Variants in RPL7A observed in about 807,000 individuals in gnomAD.
RPL7A encodes the protein ribosomal protein L7a.
For missense variants in RPL7A, 291 were observed against 338.2 expected, an observed-to-expected ratio of 0.86 and a Z score of 1.09; for synonymous variants, 158 against 128.2, an observed-to-expected ratio of 1.23 and a Z score of -1.57.
intron 6 of RPL7A, 60 bp downstream of exon 6, chr9:133,350,787 T>A (rs1836376612): frequency 6.2e-7 from 1 of 1,605,102 alleles, no homozygotes; most frequent in African/African-American, 1.3e-5. Context: ...GCCTCACAGT[T>A]GTTTCCTTTT....
chr9:133,350,323 C>T lies in RPL7A; in HGVS notation c.495+4C>T, dbSNP rs2129992849. The T allele has an allele frequency of 9.3e-6, 15 of 1,613,870 alleles. No individual in the cohort carries two copies. Among genetic ancestry groups the T allele is most frequent in the Middle Eastern group, 3.3e-4 (2 of 6,060 alleles). On this transcript the variant is annotated splice_donor_region_variant and intron_variant, in intron 5 of 7. Transcript: ENST00000323345. ...ACACGACGTGGATCCCATCGAGGTG[C>T]GTTTGCCTGTTGACTGCTAACCCAA...
chr9:133,349,195 T>G (rs2129984139), intron 2 of RPL7A, among the ~76,000 whole-genome samples, 153 bp downstream of exon 2: 6 of 152,310 alleles, frequency 3.9e-5, no homozygotes, highest in South Asian at 2.1e-4. Flanking sequence ...GATACATGCT[T>G]CTTGCTTTCA....
At chr9:133,349,119 T>C (rs1299621802) in intron 2 of RPL7A, 77 bp downstream of exon 2, 18 of 1,569,072 alleles carry the variant, frequency 1.1e-5, no homozygotes, top group African/African-American at 4.1e-5. Context: ...TGTTGTATCT[T>C]GTAGGTTTTA....
intron 4 of RPL7A, 81 bp downstream of exon 4, chr9:133,350,133 G>T: frequency 6.2e-7 from 1 of 1,613,472 alleles, no homozygotes; most frequent in Non-Finnish European, 8.5e-7. Flanking sequence ...AAATTACTGT[G>T]AAGAGTAAAA....
rs2129980060 is a variant in RPL7A, at chr9:133,348,699, G to T, written c.4-223G>T. 45 of 741,078 alleles carry T rather than the reference G, an allele frequency of 6.1e-5. No individual in the cohort carries two copies. In the Admixed American group the frequency reaches 8.3e-4, roughly 14 times the overall value. 45.9% of individuals were successfully genotyped at this position (741,078 alleles called of 1,614,324 possible). Reference sequence around the variant, plus strand: ...CGAAGAGAGCGTGGTCTCGGGCTTAGCCTTGCTCTGGCCACTCGGGGTTCC... The same window carrying T: ...CGAAGAGAGCGTGGTCTCGGGCTTATCCTTGCTCTGGCCACTCGGGGTTCC... On this transcript the variant is annotated intron_variant, in intron 1 of 7. Coordinates refer to ENST00000323345, the MANE Select transcript of RPL7A (RefSeq NM_000972.3).
In RPL7A at chr9:133,351,415, A is replaced by G. The variant is rs1376429817; in HGVS notation, c.*49A>G. On this transcript the variant is annotated 3_prime_UTR_variant, in exon 8 of 8. Transcript: ENST00000323345. ...ACATAAAAATAATTGAAATAATACA[A>G]ATTTTCCTTCAGCCAGTGTCTGTTG... The G allele has an allele frequency of 1.1e-5, 15 of 1,377,576 alleles. No homozygotes were observed. The highest frequency in any genetic ancestry group is 1.3e-5 in the Non-Finnish European group (13 of 987,232). 85.3% of individuals were successfully genotyped at this position (1,377,576 alleles called of 1,614,324 possible).
chr9:133,350,525 C>T (rs1173689206), intron 5 of RPL7A, 72 bp from the exon 6 acceptor site: 1 of 1,610,078 alleles, frequency 6.2e-7, no homozygotes, highest in Non-Finnish European at 8.5e-7. Flanking sequence ...TAACCCTGAG[C>T]AATTGTTACA....
chr9:133,349,690 C>T lies in RPL7A; in HGVS notation c.264C>T (p.Asp88=). Residue 88 remains aspartate, a synonymous_variant, in exon 3 of 8, where the codon GAC becomes GAT. Transcript: ENST00000323345. ...TTAACCAGTTCACCCAGGCCCTGGACCGCCAAACAGGTGAGGTTCTGTGGC... is the reference window on the plus strand; with the variant it reads ...TTAACCAGTTCACCCAGGCCCTGGATCGCCAAACAGGTGAGGTTCTGTGGC... ...PAINQFTQAL[D]RQTATQLLKL... is the part of the protein sequence containing the mutation. The T allele has an allele frequency of 6.2e-7, 1 of 1,613,934 alleles. No individual in the cohort carries two copies. The highest frequency in any genetic ancestry group is 8.5e-7 in the Non-Finnish European group (1 of 1,179,912).
chr9:133,348,894 G>T (rs2129981896), intron 1 of RPL7A, 28 bp from the exon 2 acceptor site: 1 of 1,613,244 alleles, frequency 6.2e-7, no homozygotes, highest in Non-Finnish European at 8.5e-7. Context: ...GGAGGCGGCG[G>T]TTTAACTGAC....
At chr9:133,350,934 G>A in intron 6 of RPL7A, 68 bp from the exon 7 acceptor site, 1 of 1,550,710 alleles carries the variant, frequency 6.4e-7, no homozygotes, top group Non-Finnish European at 8.9e-7. Flanking sequence ...GAGCTAAAAG[G>A]TATTTTTGCA....
rs2129997824 is a variant in RPL7A at position 133,351,044 on chromosome 9, G to A, written c.669G>A (p.Arg223=). ...GALAKLVEAI[R]TNYNDRYDEI... ...TGGCTAAGCTGGTGGAAGCTATCAG[G>A]ACCAATTACAATGACAGATACGATG... The change falls in exon 7 of 8, where the codon AGG becomes AGA. Residue 223 remains arginine (R), a synonymous_variant. Coordinates refer to ENST00000323345, the MANE Select transcript of RPL7A (RefSeq NM_000972.3). 19 of 1,613,982 alleles carry A rather than the reference G, an allele frequency of 1.2e-5. 1 individual carries two copies. The highest frequency in any genetic ancestry group is 3.3e-4 in the Middle Eastern group (2 of 6,076).
chr9:133,350,169 A>G (rs1836352290), intron 4 of RPL7A, 71 bp from the exon 5 acceptor site: 1 of 1,608,010 alleles, frequency 6.2e-7, no homozygotes, highest in Non-Finnish European at 8.5e-7. Flanking sequence ...CTGAGTCAGC[A>G]GCTGAGCCCA....
At chr9:133,349,248 C>T (rs2129984418) in intron 2 of RPL7A, 10 of 746,648 alleles carry the variant, frequency 1.3e-5, no homozygotes, top group South Asian at 4.8e-5. Flanking sequence ...ATGGTAGTGG[C>T]CTTGAATTCA....
At position 133,350,991 on chromosome 9, in the gene RPL7A, C is replaced by T. The variant is rs2129997564; in HGVS notation, c.627-11C>T. 5.0e-6 allele frequency: 8 copies of T among 1,613,916 alleles called. No homozygotes were observed. In the South Asian group the frequency reaches 8.8e-5, roughly 18 times the overall value. ...AAAAAACCCACTTTTGTTTCCCCTC[C>T]TGCCTTTTAGGGAAGACAAAGGCGC... On this transcript the variant is annotated splice_polypyrimidine_tract_variant and intron_variant, in intron 6 of 7. Coordinates refer to ENST00000323345, the MANE Select transcript of RPL7A (RefSeq NM_000972.3).
In RPL7A at chr9:133,348,949, A is replaced by G. The variant is rs1836299251; in HGVS notation, c.31A>G (p.Lys11Glu). ...GAAAGGAAAGAAGGCCAAGGGAAAG[A>G]AGGTGGCTCCGGCCCCAGCTGTCGT... MPKGKKAKGK[K>E]VAPAPAVVKK... Residue 11 changes from lysine (K) to glutamate (E), a missense_variant, in exon 2 of 8, where the codon AAG (lysine) becomes GAG (glutamate). Lys to Glu is a moderately conservative substitution (Grantham distance 56). Transcript: ENST00000323345. 2.5e-6 allele frequency: 4 copies of G among 1,613,968 alleles called. No homozygotes were observed. The highest frequency in any genetic ancestry group is 3.4e-6 in the Non-Finnish European group (4 of 1,179,992).
chr9:133,349,323 C>G, intron 2 of RPL7A: 1 of 811,118 alleles, frequency 1.2e-6, no homozygotes, highest in Middle Eastern at 2.3e-4. Flanking sequence ...TGCAATTCTG[C>G]TGTACTTCGT....
At chr9:133,348,367 G>C in intron 1 of RPL7A, 121 bp downstream of exon 1, 3 of 1,369,278 alleles carry the variant, frequency 2.2e-6, no homozygotes, top group Non-Finnish European at 3.1e-6. Context: ...AGCCCCACTC[G>C]GTGTGGCACG....
chr9:133,350,142 A>G (rs1341915888), intron 4 of RPL7A, 90 bp downstream of exon 4: 2 of 1,613,156 alleles, frequency 1.2e-6, no homozygotes, highest in African/African-American at 2.7e-5. Context: ...TGAAGAGTAA[A>G]ACCGAGCTTT....
chr9:133,348,264 C>T lies in RPL7A; in HGVS notation c.3+18C>T, dbSNP rs945360670. ...CCAAGATGGTGAGTGAGCTGTAGTT[C>T]CGTGGCACTATAGCCAGGTTCCGGC... On this transcript the variant is annotated intron_variant, in intron 1 of 7. Transcript: ENST00000323345. 4.3e-6 allele frequency: 7 copies of T among 1,613,964 alleles called. No individual in the cohort carries two copies. Among genetic ancestry groups the T allele is most frequent in the Middle Eastern group, 1.6e-4 (1 of 6,084 alleles).
Sources: gnomAD v4.1 joint callset for allele counts (sites outside exome capture counted in the v4.1 genomes callset) on GRCh38, gnomAD v4.1.1 for gene constraint, MANE v1.5 for transcripts, NCBI Gene and HGNC (gene_info 2026-07-23, HGNC 2026-07-21) for gene names.